CEP63: variants seen among roughly 807,000 people sequenced by gnomAD.
CEP63 encodes the protein centrosomal protein 63.
Under a neutral mutation model 89.1 loss-of-function variants are expected in CEP63, and 84 were observed. The ratio of observed to expected loss-of-function variants is 0.94; its 90% confidence interval spans 0.79 to 1.13. The LOEUF is 1.13. Among genes scored for constraint, CEP63 ranks in the 50% most tolerant of loss-of-function variants. The pLI is 0.00. For missense variants in CEP63, 838 were observed against 813.3 expected (o/e 1.03, Z -0.37); for synonymous variants, 267 against 272.5 (o/e 0.98, Z 0.20).
At chr3:134,660,342 G>T in the CEP63 span, among the ~76,000 whole-genome samples, 1 of 152,206 alleles carries the variant, frequency 6.6e-6, no homozygotes, top group African/African-American at 2.4e-5. Flanking sequence ...TTAGAAACTG[G>T]TTCCTAATAT....
At chr3:134,668,730 C>T in the CEP63 span, among the ~76,000 whole-genome samples, 1 of 152,156 alleles carries the variant, frequency 6.6e-6, no homozygotes, top group Admixed American at 6.5e-5. Flanking sequence ...AGGTTGACTA[C>T]CACTCACATC....
chr3:134,681,982 G>T, the CEP63 span, among the ~76,000 whole-genome samples: 1 of 152,206 alleles, frequency 6.6e-6, no homozygotes, highest in Non-Finnish European at 1.5e-5. Context: ...CACTCTGCAA[G>T]CCATCTGAAG....
chr3:134,509,079 A>G (rs1340345665), intron 3 of CEP63, among the ~76,000 whole-genome samples: 1 of 151,968 alleles, frequency 6.6e-6, no homozygotes, highest in Non-Finnish European at 1.5e-5. Context: ...TCATGAAAAT[A>G]TTTTGCTTCT....
chr3:134,577,169 C>T (rs77775265), downstream of CEP63, among the ~76,000 whole-genome samples: 2,450 of 152,010 alleles, frequency 0.016, 56 homozygotes, highest in African/African-American at 0.055. Context: ...ACTGGCCACC[C>T]ATCATATGTC....
the CEP63 span, among the ~76,000 whole-genome samples, chr3:134,739,623 CAA>C: frequency 6.6e-6 from 1 of 151,596 alleles, no homozygotes; most frequent in Non-Finnish European, 1.5e-5. Context: ...TAATGTTGCG[CAA>C]AGACAGCAAT....
At chr3:134,541,510 C>CTTTTT (rs564947611) in intron 6 of CEP63, among the ~76,000 whole-genome samples, 2 of 128,354 alleles carry the variant, frequency 1.6e-5, no homozygotes, top group Non-Finnish European at 1.7e-5. Context: ...TACTAGCCAA[C>CTTTTT]TTTTTTTTTT....
chr3:134,610,097 C>T, the CEP63 span: 1 of 1,337,108 alleles, frequency 7.5e-7, no homozygotes, highest in Non-Finnish European at 1.0e-6. Flanking sequence ...CTCTCCTTCC[C>T]CTCCCGCTTG....
At chr3:134,678,757 C>T in the CEP63 span, among the ~76,000 whole-genome samples, 1 of 152,136 alleles carries the variant, frequency 6.6e-6, no homozygotes, top group African/African-American at 2.4e-5. Flanking sequence ...TGACCCATAC[C>T]CACCTCACTG....
Position 134,546,283 on chromosome 3 carries a change from T to C in CEP63, c.924T>C (p.Ala308=), listed in dbSNP as rs1304900397. 2 of 1,613,136 alleles carry C rather than the reference T, an allele frequency of 1.2e-6. No individual in the cohort carries two copies. Among genetic ancestry groups the C allele is most frequent in the Non-Finnish European group, 1.7e-6 (2 of 1,179,264 alleles). The part of the protein sequence containing the change: ...KATNTQHAVE[A]IRPREESLAE... The stretch of plus-strand genomic sequence containing the variant: ...CTAACACTCAACATGCTGTAGAAGC[T>C]ATAAGGTAAATTTAATCTTAAATAT... The change falls in exon 8 of 15, where the codon GCT becomes GCC. Residue 308 remains alanine (A), a synonymous_variant. Coordinates refer to ENST00000675561, the MANE Select transcript of CEP63 (RefSeq NM_001353108.3).
chr3:134,539,480 T>C (rs768123170), intron 6 of CEP63, among the ~76,000 whole-genome samples: 16 of 152,194 alleles, frequency 1.1e-4, no homozygotes, highest in Admixed American at 1.3e-4. Flanking sequence ...CAGTATCACA[T>C]TAATAGAATA....
At chr3:134,704,516 G>T in the CEP63 span, among the ~76,000 whole-genome samples, 8 of 152,202 alleles carry the variant, frequency 5.3e-5, no homozygotes, top group South Asian at 2.1e-4. Flanking sequence ...GAGAGAAAAT[G>T]ATGGAAGCCA....
At chr3:134,596,354 A>G in the CEP63 span, among the ~76,000 whole-genome samples, 1 of 152,170 alleles carries the variant, frequency 6.6e-6, no homozygotes, top group Non-Finnish European at 1.5e-5. Context: ...AGTAGTCAGT[A>G]TGTGTCCTCT....
the CEP63 span, among the ~76,000 whole-genome samples, chr3:134,593,396 A>G: frequency 6.6e-6 from 1 of 152,232 alleles, no homozygotes; most frequent in Non-Finnish European, 1.5e-5. Context: ...AGGTGCTATG[A>G]GTATCCCTGT....
At chr3:134,692,231 G>T in the CEP63 span, among the ~76,000 whole-genome samples, 1 of 152,028 alleles carries the variant, frequency 6.6e-6, no homozygotes, top group Non-Finnish European at 1.5e-5. Flanking sequence ...TTTACATTAG[G>T]TATATCTCCT....
the CEP63 span, chr3:134,608,912 T>C: frequency 5.4e-5 from 82 of 1,508,226 alleles, no homozygotes; most frequent in Admixed American, 1.0e-4. Context: ...CCCACCGGAG[T>C]GGTCCTATGG....
At chr3:134,643,276 C>G in the CEP63 span, 1 of 1,605,554 alleles carries the variant, frequency 6.2e-7, no homozygotes, top group South Asian at 1.1e-5. Flanking sequence ...TCTGGGCACA[C>G]CTCTGCAGGG....
At chr3:134,592,944 G>T in the CEP63 span, among the ~76,000 whole-genome samples, 1 of 152,068 alleles carries the variant, frequency 6.6e-6, no homozygotes, top group African/African-American at 2.4e-5. Flanking sequence ...CTTTGTACTG[G>T]TGATTCCGGG....
the CEP63 span, among the ~76,000 whole-genome samples, chr3:134,764,822 C>G: frequency 6.6e-6 from 1 of 152,218 alleles, no homozygotes. Context: ...CTGAGCTTGA[C>G]TACTTTGAGG....
At chr3:134,705,238 C>G in the CEP63 span, among the ~76,000 whole-genome samples, 1 of 152,302 alleles carries the variant, frequency 6.6e-6, no homozygotes, top group East Asian at 1.9e-4. Flanking sequence ...GCACTGGCAT[C>G]TGCTCAGCTT....
Sources: allele counts gnomAD v4.1 joint callset (sites outside exome capture counted in the v4.1 genomes callset), GRCh38; gene constraint gnomAD v4.1.1; transcripts MANE v1.5; gene names NCBI Gene and HGNC (gene_info 2026-07-23, HGNC 2026-07-21).